The following ABHD2 variants were observed in gnomAD, a reference collection of about 807,000 sequenced individuals.
ABHD2 encodes the protein abhydrolase domain containing 2, acylglycerol lipase, also known as monoacylglycerol lipase ABHD2.
In ABHD2, 20 loss-of-function variants were observed where a neutral mutation model predicts 48.1. That is an observed-to-expected ratio of 0.42 (90% CI 0.29 to 0.60). The LOEUF (loss-of-function observed/expected upper bound fraction) is 0.60, where lower values mean the gene tolerates loss of function less well. Among genes scored for constraint, ABHD2 ranks in the 20% least tolerant of loss-of-function variants. The probability of loss-of-function intolerance (pLI) is 0.24; values close to 1 mark genes in which losing one functional copy is unlikely to be tolerated. For synonymous variants in ABHD2, 209 were observed against 214.2 expected, an observed-to-expected ratio of 0.98 and a Z score of 0.21; for missense variants, 405 against 550.9, an observed-to-expected ratio of 0.74 and a Z score of 2.65.
chr15:89,054,852 TA>T, the ABHD2 span, among the ~76,000 whole-genome samples: 31 of 152,090 alleles, frequency 2.0e-4, no homozygotes, highest in African/African-American at 6.5e-4. Flanking sequence ...TAAACAGCTC[TA>T]AAAAAACATT....
In ABHD2 at chr15:89,137,912, A is replaced by G. The variant is rs551626893; in HGVS notation, c.195-13765A>G. 5.3e-5 allele frequency among the ~76,000 whole-genome samples: 8 copies of G among 152,004 alleles called. No homozygotes were observed. The East Asian group carries it at 1.5e-3, about 29-fold the overall frequency. On this transcript the variant is annotated intron_variant, in intron 3 of 10. Transcript: ENST00000352732. This position sits in a 1 kb window ranked among gnomAD's most constrained non-coding sequence, Gnocchi z 4.8. ...CTGGTGAGATGTGCACACAGGGTCT[A>G]CTCCACATCTGGCCCTCCTGAAAAG... is the stretch of plus-strand genomic sequence containing the variant.
At chr15:89,050,849 G>T in the ABHD2 span, among the ~76,000 whole-genome samples, 16 of 152,276 alleles carry the variant, frequency 1.1e-4, no homozygotes, top group South Asian at 2.7e-3. Flanking sequence ...GAGGCTGCAT[G>T]CAGGCTGGGG....
At chr15:89,159,479 A>G (rs2050729555) in intron 5 of ABHD2, among the ~76,000 whole-genome samples, 1 of 152,194 alleles carries the variant, frequency 6.6e-6, no homozygotes, top group Non-Finnish European at 1.5e-5. Flanking sequence ...TCTATGGGCG[A>G]GGAGTCAAGT....
intron 5 of ABHD2, among the ~76,000 whole-genome samples, chr15:89,165,913 C>T (rs902147359): frequency 1.1e-4 from 17 of 152,188 alleles, no homozygotes; most frequent in Admixed American, 1.0e-3. Flanking sequence ...TGGCCGAGTG[C>T]CTTATCCCAA....
At chr15:89,069,345 C>G in the ABHD2 span, among the ~76,000 whole-genome samples, 1 of 151,938 alleles carries the variant, frequency 6.6e-6, no homozygotes, top group Non-Finnish European at 1.5e-5. Context: ...CAAGGCTGGC[C>G]TCAAACTCCT....
Position 89,177,578 on chromosome 15 carries a change from C to T in ABHD2, c.722+1583C>T, listed in dbSNP as rs562928283. The stretch of plus-strand genomic sequence containing the variant: ...TAGCAGTCCCCGGGGTTAGTGACCT[C>T]AGTGGTCTCTCCAGCTGCTCTCGCG... On this transcript the variant is annotated intron_variant, in intron 6 of 10. Coordinates refer to ENST00000352732, the MANE Select transcript of ABHD2 (RefSeq NM_152924.5). This position sits in a 1 kb window ranked among gnomAD's most constrained non-coding sequence, Gnocchi z 5.6. Among the ~76,000 whole-genome samples the T allele has an allele frequency of 2.6e-5, 4 of 152,272 alleles. No individual in the cohort carries two copies. The highest frequency in any genetic ancestry group is 2.0e-4 in the Admixed American group (3 of 15,300).
At chr15:89,077,538 A>G in the ABHD2 span, among the ~76,000 whole-genome samples, 4 of 152,194 alleles carry the variant, frequency 2.6e-5, no homozygotes, top group Non-Finnish European at 5.9e-5. Flanking sequence ...TTTACTTAAT[A>G]TCACTTTTGT....
At chr15:89,187,705 C>T (rs550616844) in intron 7 of ABHD2, among the ~76,000 whole-genome samples, 2 of 152,334 alleles carry the variant, frequency 1.3e-5, no homozygotes, top group East Asian at 1.9e-4. Context: ...CACTAGAGAG[C>T]TGTTGGTTTG....
intron 6 of ABHD2, chr15:89,183,309 C>G (rs1378829193): frequency 7.0e-6 from 1 of 142,388 alleles, no homozygotes; most frequent in African/African-American, 2.6e-5. Context: ...CTGTAGGTTA[C>G]CCTTTCTTTT....
rs561195199 is a variant in ABHD2 at position 89,092,106 on chromosome 15, A to C, written c.-107+3543A>C. 3.9e-5 allele frequency among the ~76,000 whole-genome samples: 6 copies of C among 152,132 alleles called. No homozygotes were observed. The highest frequency in any genetic ancestry group is 7.4e-5 in the Non-Finnish European group (5 of 68,020). On this transcript the variant is annotated intron_variant, in intron 1 of 10. Transcript: ENST00000352732. The surrounding 1 kb of genome is among the most constrained non-coding windows in gnomAD (Gnocchi z 4.4). ...TTTTTGTTGTCTTGTCCAGGGCATC[A>C]TATTTTTGGATTGAATGTTTTCTGT...
chr15:89,146,571 A>T lies in ABHD2; in HGVS notation c.195-5106A>T, dbSNP rs562959207. 3.5e-4 allele frequency among the ~76,000 whole-genome samples: 53 copies of T among 152,156 alleles called. No individual in the cohort carries two copies. Among genetic ancestry groups the T allele is most frequent in the African/African-American group, 1.3e-3 (53 of 41,496 alleles). On this transcript the variant is annotated intron_variant, in intron 3 of 10. Coordinates refer to ENST00000352732, the MANE Select transcript of ABHD2 (RefSeq NM_152924.5). The surrounding 1 kb of genome is among the most constrained non-coding windows in gnomAD (Gnocchi z 4.2). ...GTTTGTTAGTAACAAACATTTATTA[A>T]CCGCTGGCCACGGCACAACATTGGC...
chr15:89,188,071 G>T lies in ABHD2; in HGVS notation c.816-122G>T, dbSNP rs2051241297. The T allele has an allele frequency of 1.4e-6, 1 of 714,706 alleles. No individual in the cohort carries two copies. Among genetic ancestry groups the T allele is most frequent in the South Asian group, 1.7e-5 (1 of 58,614 alleles). 44.3% of individuals were successfully genotyped at this position (714,706 alleles called of 1,614,324 possible). A position where few individuals can be genotyped will look rare whatever the true frequency, so the allele number is the denominator to read the frequency against. ...CTCTGGGACATTCCAAAGGCTAAAG[G>T]TTCTATTTCTAACTGACCACGTTGG... On this transcript the variant is annotated intron_variant, in intron 7 of 10. Coordinates refer to ENST00000352732, the MANE Select transcript of ABHD2 (RefSeq NM_152924.5). The surrounding 1 kb of genome is among the most constrained non-coding windows in gnomAD (Gnocchi z 4.1).
At chr15:89,122,622 C>T (rs1355943637) in intron 3 of ABHD2, among the ~76,000 whole-genome samples, 1 of 152,164 alleles carries the variant, frequency 6.6e-6, no homozygotes, top group Non-Finnish European at 1.5e-5. Flanking sequence ...GCAGGACAAC[C>T]CCAGGCATAT....
At chr15:89,119,977 T>A (rs1397597954) in intron 3 of ABHD2, among the ~76,000 whole-genome samples, 1 of 152,174 alleles carries the variant, frequency 6.6e-6, no homozygotes, top group Non-Finnish European at 1.5e-5. Context: ...GTTAACTGAT[T>A]TACAACAAGC....
chr15:89,115,239 C>T (rs1235225400), intron 2 of ABHD2, among the ~76,000 whole-genome samples: 1 of 152,226 alleles, frequency 6.6e-6, no homozygotes, highest in Admixed American at 6.5e-5. Context: ...TTTTTGTTAG[C>T]TTGTGATTTC....
the ABHD2 span, among the ~76,000 whole-genome samples, chr15:89,077,018 A>G: frequency 6.6e-6 from 1 of 152,042 alleles, no homozygotes; most frequent in Non-Finnish European, 1.5e-5. Flanking sequence ...TTTGTTTGTT[A>G]CCTACACACA....
rs1367195872 is a variant in ABHD2, at chr15:89,115,367, GGTATGTGT to G, written c.-6-952_-6-945del. Among the ~76,000 whole-genome samples, 73 of 117,590 alleles carry G rather than the reference GGTATGTGT, an allele frequency of 6.2e-4. 2 individuals are homozygous for G. Among genetic ancestry groups the G allele is most frequent in the African/African-American group, 2.2e-3 (68 of 30,272 alleles). 77.1% of individuals were successfully genotyped at this position (117,590 alleles called of 152,430 possible). On this transcript the variant is annotated intron_variant, in intron 2 of 10. Coordinates refer to ENST00000352732, the MANE Select transcript of ABHD2 (RefSeq NM_152924.5). ...TTATGTTTGGTTTTATATGTTTGGA[GGTATGTGT>G]GTGTGTGTGTGTGTGTGTGTGTGTG...
the ABHD2 span, among the ~76,000 whole-genome samples, chr15:89,070,955 A>G: frequency 7.3e-5 from 11 of 151,414 alleles, no homozygotes; most frequent in Non-Finnish European, 1.5e-5. Context: ...CTCCTAATGA[A>G]GGCGTGTGCC....
upstream of ABHD2, among the ~76,000 whole-genome samples, chr15:89,086,695 C>T (rs1901358028): frequency 6.6e-6 from 1 of 152,240 alleles, no homozygotes; most frequent in Non-Finnish European, 1.5e-5. Flanking sequence ...AGCCACTGTA[C>T]CGGTCCATGT....
Sources: gnomAD v4.1 joint callset for allele counts (sites outside exome capture counted in the v4.1 genomes callset) on GRCh38, gnomAD v4.1.1 for gene constraint, Gnocchi (gnomAD v3.1) non-coding constraint, MANE v1.5 for transcripts, NCBI Gene and HGNC (gene_info 2026-07-23, HGNC 2026-07-21) for gene names.